Variants in GUCY1A2 observed in about 807,000 individuals in gnomAD.
GUCY1A2 encodes the protein guanylate cyclase soluble subunit alpha-2.
GUCY1A2 carries 27 observed loss-of-function variants against 63.5 expected under a neutral mutation model. That is an observed-to-expected ratio of 0.43 (90% confidence interval 0.31 to 0.59). The LOEUF (loss-of-function observed/expected upper bound fraction) is 0.59. GUCY1A2 is among the 20% of genes least tolerant of loss of function. GUCY1A2 has a pLI of 0.11. For synonymous variants in GUCY1A2, 364 were observed against 343.5 expected, an observed-to-expected ratio of 1.06 and a Z score of -0.66; for missense variants, 768 against 913.3, an observed-to-expected ratio of 0.84 and a Z score of 2.05.
At chr11:106,826,039 AC>A (rs942115263) in intron 4 of GUCY1A2, among the ~76,000 whole-genome samples, 43 of 152,334 alleles carry the variant, frequency 2.8e-4, no homozygotes, top group Admixed American at 7.2e-4. Context: ...TTGACATTTC[AC>A]AAAGAATGGT....
intron 3 of GUCY1A2, among the ~76,000 whole-genome samples, chr11:106,945,912 C>A (rs1353038594): frequency 6.6e-6 from 1 of 152,176 alleles, no homozygotes; most frequent in Non-Finnish European, 1.5e-5. Context: ...TTGCAGTGAG[C>A]TGAGATCACA....
intron 4 of GUCY1A2, among the ~76,000 whole-genome samples, chr11:106,909,511 C>G (rs192924920): frequency 1.3e-5 from 2 of 151,818 alleles, no homozygotes; most frequent in East Asian, 3.9e-4. Flanking sequence ...TAATCACACA[C>G]CTCCCTGCTT....
At chr11:106,931,012 C>G (rs1305651949) in intron 4 of GUCY1A2, among the ~76,000 whole-genome samples, 1 of 152,226 alleles carries the variant, frequency 6.6e-6, no homozygotes, top group Admixed American at 6.5e-5. Context: ...AAAGCCCAGA[C>G]TTACATTTCT....
chr11:106,864,113 T>C (rs1377498699), intron 4 of GUCY1A2, among the ~76,000 whole-genome samples: 1 of 151,864 alleles, frequency 6.6e-6, no homozygotes, highest in African/African-American at 2.4e-5. Flanking sequence ...ACACCTAATG[T>C]AGATGATGGG....
At chr11:106,850,020 T>C (rs1015966300) in intron 4 of GUCY1A2, among the ~76,000 whole-genome samples, 21 of 151,724 alleles carry the variant, frequency 1.4e-4, no homozygotes, top group Admixed American at 5.3e-4. Context: ...AGAAACTTTG[T>C]ATTCCATTAG....
At chr11:106,926,591 G>C in intron 4 of GUCY1A2, among the ~76,000 whole-genome samples, 1 of 151,982 alleles carries the variant, frequency 6.6e-6, no homozygotes, top group African/African-American at 2.4e-5. Context: ...TAGTAGTTAA[G>C]GGAAACATAG....
intron 1 of GUCY1A2, among the ~76,000 whole-genome samples, chr11:106,988,544 G>C (rs1591355911): frequency 6.6e-6 from 1 of 152,170 alleles, no homozygotes; most frequent in Admixed American, 6.5e-5. Flanking sequence ...GCCTTTTAAA[G>C]ATCTAGCTTT....
At chr11:106,919,714 T>C (rs1049031522) in intron 4 of GUCY1A2, among the ~76,000 whole-genome samples, 1 of 152,034 alleles carries the variant, frequency 6.6e-6, no homozygotes, top group Non-Finnish European at 1.5e-5. Context: ...GAACAGTATA[T>C]GCAAAATCCC....
chr11:106,737,802 T>C (rs1370365355), intron 6 of GUCY1A2, among the ~76,000 whole-genome samples: 2 of 152,222 alleles, frequency 1.3e-5, no homozygotes, highest in African/African-American at 4.8e-5. Context: ...CTATGATTGA[T>C]GGGCATTTGG....
intron 4 of GUCY1A2, among the ~76,000 whole-genome samples, chr11:106,932,828 T>A (rs1166849575): frequency 1.3e-5 from 2 of 152,022 alleles, no homozygotes; most frequent in African/African-American, 4.8e-5. Context: ...CACACAGCCA[T>A]CTGATCTTCA....
At chr11:106,778,556 G>A (rs755611760) in intron 5 of GUCY1A2, among the ~76,000 whole-genome samples, 1 of 152,066 alleles carries the variant, frequency 6.6e-6, no homozygotes, top group African/African-American at 2.4e-5. Context: ...AGCTACTCGG[G>A]AGACTGAGGT....
intron 7 of GUCY1A2, among the ~76,000 whole-genome samples, chr11:106,688,175 G>A (rs1246332519): frequency 6.6e-6 from 1 of 152,070 alleles, no homozygotes; most frequent in Admixed American, 6.6e-5. Flanking sequence ...CTCCTTTTAT[G>A]TTTGGTAAAC....
Position 106,776,447 on chromosome 11 carries a change from G to A in GUCY1A2, c.1828C>T (p.Pro610Ser), listed in dbSNP as rs756486498. Reference sequence around the variant, plus strand: ...ATTGTTGGGAGGGTTACCTGAATCGGTCTTCCATCAGGTGTCAGCACCTCT... The same window carrying A: ...ATTGTTGGGAGGGTTACCTGAATCGATCTTCCATCAGGTGTCAGCACCTCT... Reference protein sequence around the residue: ...SEEVLTPDGRPIQMRIGIHSG... With the variant: ...SEEVLTPDGRSIQMRIGIHSG... The change falls in exon 6 of 8, where the codon CCG becomes TCG. Residue 610 changes from proline to serine, a missense_variant. Pro to Ser is a moderately conservative substitution (Grantham distance 74). Around this residue, in one of 3 missense-constraint regions of GUCY1A2, gnomAD observed 150 missense variants for 188.3 expected, o/e 0.80. Coordinates refer to ENST00000526355, the MANE Select transcript of GUCY1A2 (RefSeq NM_000855.3). 2.5e-6 allele frequency: 4 copies of A among 1,612,818 alleles called. No individual in the cohort carries two copies. The Admixed American group carries it at 5.0e-5, about 20-fold the overall frequency.
intron 5 of GUCY1A2, among the ~76,000 whole-genome samples, chr11:106,807,986 G>GT (rs1858714598): frequency 6.6e-6 from 1 of 152,132 alleles, no homozygotes; most frequent in African/African-American, 2.4e-5. Flanking sequence ...ACTTTTTGAG[G>GT]TTTTGGAACT....
At chr11:106,789,464 C>G (rs1322654599) in intron 5 of GUCY1A2, among the ~76,000 whole-genome samples, 1 of 152,204 alleles carries the variant, frequency 6.6e-6, no homozygotes, top group Non-Finnish European at 1.5e-5. Context: ...TCACATATCT[C>G]TGTTTCTCCA....
intron 6 of GUCY1A2, among the ~76,000 whole-genome samples, chr11:106,742,863 A>G (rs1296041507): frequency 1.3e-5 from 2 of 152,316 alleles, no homozygotes; most frequent in South Asian, 2.1e-4. Context: ...ACTACTTTCA[A>G]TAAGTAAACA....
At chr11:106,904,666 TAA>T (rs1036865813) in intron 4 of GUCY1A2, among the ~76,000 whole-genome samples, 3 of 151,894 alleles carry the variant, frequency 2.0e-5, no homozygotes, top group African/African-American at 7.3e-5. Flanking sequence ...TGAAGCTAAA[TAA>T]AAGACAAAAA....
chr11:106,725,234 G>A lies in GUCY1A2; in HGVS notation c.1837-16568C>T, dbSNP rs1424080679. On this transcript the variant is annotated intron_variant, in intron 6 of 7. Coordinates refer to ENST00000526355, the MANE Select transcript of GUCY1A2 (RefSeq NM_000855.3). ...GTCGCCCAGGCTGGAGTGCAGTGGCGGGATCTCGGCTCACTGGAGGCTCCG... is the reference window on the plus strand; with the variant it reads ...GTCGCCCAGGCTGGAGTGCAGTGGCAGGATCTCGGCTCACTGGAGGCTCCG... Among the ~76,000 whole-genome samples the A allele has an allele frequency of 1.2e-4, 5 of 42,024 alleles. 2 individuals carry two copies. The highest frequency in any genetic ancestry group is 2.6e-4 in the Non-Finnish European group (5 of 19,540). 27.6% of individuals were successfully genotyped at this position (42,024 alleles called of 152,430 possible).
chr11:106,806,423 C>A (rs1858687575), intron 5 of GUCY1A2, among the ~76,000 whole-genome samples: 1 of 152,156 alleles, frequency 6.6e-6, no homozygotes, highest in Admixed American at 6.5e-5. Flanking sequence ...AAGGCAAAGT[C>A]TTTCTCCCTG....
Sources: allele counts gnomAD v4.1 joint callset (sites outside exome capture counted in the v4.1 genomes callset), GRCh38; gene constraint gnomAD v4.1.1; regional missense constraint gnomAD v4.1.1; transcripts MANE v1.5; gene names NCBI Gene and HGNC (gene_info 2026-07-23, HGNC 2026-07-21).